PRKG2: variants seen among roughly 807,000 people sequenced by gnomAD.
PRKG2 encodes cGMP-dependent protein kinase 2.
PRKG2 carries 33 observed loss-of-function variants against 97.2 expected under a neutral mutation model. The ratio of observed to expected loss-of-function variants is 0.34; its 90% CI spans 0.26 to 0.45. The LOEUF is 0.45. Among genes scored for constraint, PRKG2 ranks in the 20% least tolerant of loss-of-function variants. The pLI is 1.00. For missense variants in PRKG2, 638 were observed against 900.0 expected, an observed-to-expected ratio of 0.71 and a Z score of 3.73; for synonymous variants, 330 against 321.8, an observed-to-expected ratio of 1.03 and a Z score of -0.27.
chr4:81,089,489 C>A lies in PRKG2; in HGVS notation c.*219G>T. The A allele has an allele frequency of 2.4e-6, 1 of 415,556 alleles. No homozygotes were observed. The highest frequency in any genetic ancestry group is 4.2e-6 in the Non-Finnish European group (1 of 236,436). The allele number at this position is 415,556 out of a possible 1,614,324, so 25.7% of individuals were successfully genotyped here. ...GGTAGCCTCTAGCAGTTGAGAAAAG[C>A]AAATAATGTAATACATCAATAATTC... On this transcript the variant is annotated 3_prime_UTR_variant, in exon 19 of 19. Transcript: ENST00000264399.
intron 2 of PRKG2, among the ~76,000 whole-genome samples, chr4:81,189,588 A>G: frequency 6.7e-6 from 1 of 149,814 alleles, no homozygotes; most frequent in East Asian, 2.0e-4. Context: ...AGGAAGGGGA[A>G]CATCACACTC....
chr4:81,131,792 G>A (rs559094953), intron 14 of PRKG2, among the ~76,000 whole-genome samples: 36 of 152,190 alleles, frequency 2.4e-4, no homozygotes, highest in Non-Finnish European at 3.8e-4. Flanking sequence ...TATTCTATTA[G>A]ACTGAGTTAT....
chr4:81,205,206 GAAAA>G, intron 1 of PRKG2, 146 bp from the exon 2 acceptor site: 1 of 478,854 alleles, frequency 2.1e-6, no homozygotes, highest in Non-Finnish European at 3.6e-6. Context: ...GAAGTTTCCA[GAAAA>G]AAAAAAAAAG....
chr4:81,104,589 A>G (rs17005054), intron 16 of PRKG2, among the ~76,000 whole-genome samples, 157 bp from the exon 17 acceptor site: 5,807 of 152,028 alleles, frequency 0.038, 391 homozygotes, highest in African/African-American at 0.13. Context: ...TAGACCAGAC[A>G]TCTGAGTTTA....
chr4:81,142,043 C>G (rs1747346663), intron 11 of PRKG2, among the ~76,000 whole-genome samples: 1 of 152,154 alleles, frequency 6.6e-6, no homozygotes, highest in Non-Finnish European at 1.5e-5. Context: ...CAAAGAAGGA[C>G]TCGGTAATTG....
intron 2 of PRKG2, among the ~76,000 whole-genome samples, chr4:81,179,958 C>A (rs1751264576): frequency 6.6e-6 from 1 of 151,866 alleles, no homozygotes; most frequent in Non-Finnish European, 1.5e-5. Context: ...GCTTGGCCAA[C>A]CCCATCTCTA....
At chr4:81,094,988 G>A (rs1169613132) in intron 17 of PRKG2, among the ~76,000 whole-genome samples, 3 of 152,148 alleles carry the variant, frequency 2.0e-5, no homozygotes, top group Non-Finnish European at 2.9e-5. Context: ...GGATGGTGAT[G>A]CGTCCCTGTG....
At chr4:81,100,720 T>A in intron 17 of PRKG2, among the ~76,000 whole-genome samples, 1 of 152,004 alleles carries the variant, frequency 6.6e-6, no homozygotes, top group East Asian at 1.9e-4. Flanking sequence ...ACAAATGAGA[T>A]CTAATTAAAC....
intron 2 of PRKG2, among the ~76,000 whole-genome samples, chr4:81,185,721 G>T (rs1489099200): frequency 1.3e-5 from 2 of 152,110 alleles, no homozygotes; most frequent in Non-Finnish European, 2.9e-5. Context: ...GCTGTGTTCA[G>T]GAGATCCATC....
At chr4:81,109,362 G>A (rs1175819666) in intron 15 of PRKG2, among the ~76,000 whole-genome samples, 1 of 152,158 alleles carries the variant, frequency 6.6e-6, no homozygotes, top group Non-Finnish European at 1.5e-5. Context: ...CATTCCAAAT[G>A]CAAATCCTCT....
At chr4:81,179,537 C>A (rs1223486746) in intron 2 of PRKG2, among the ~76,000 whole-genome samples, 1 of 152,066 alleles carries the variant, frequency 6.6e-6, no homozygotes, top group Non-Finnish European at 1.5e-5. Context: ...GAAATATGAT[C>A]TCAGATGGAA....
chr4:81,159,756 A>G (rs1457594255), intron 6 of PRKG2, among the ~76,000 whole-genome samples: 1 of 151,866 alleles, frequency 6.6e-6, no homozygotes, highest in Non-Finnish European at 1.5e-5. Context: ...TGGCACATAT[A>G]CACCATGGAA....
chr4:81,167,032 C>G (rs1387294539), intron 6 of PRKG2, 129 bp downstream of exon 6: 4 of 637,148 alleles, frequency 6.3e-6, no homozygotes, highest in Non-Finnish European at 1.0e-5. Flanking sequence ...GATTTTTCAC[C>G]ATAGAAAAAG....
At chr4:81,176,101 G>A (rs1750899604) in intron 2 of PRKG2, 2 of 152,032 alleles carry the variant, frequency 1.3e-5, no homozygotes, top group Admixed American at 1.3e-4. Context: ...TAGGCTACAT[G>A]AAGAAAACAG....
At chr4:81,167,067 C>T in intron 6 of PRKG2, 94 bp downstream of exon 6, 2 of 912,780 alleles carry the variant, frequency 2.2e-6, no homozygotes, top group South Asian at 1.7e-5. Flanking sequence ...TAGACTGGTG[C>T]TCTGACATCT....
chr4:81,176,369 C>T lies in PRKG2; in HGVS notation c.462-1410G>A, dbSNP rs186275566. ...CTAGCCGATTTTCCCTAAAATCCAACTGTATTATATCATCAGATTATTCTT... is the reference window on the plus strand; with the variant it reads ...CTAGCCGATTTTCCCTAAAATCCAATTGTATTATATCATCAGATTATTCTT... On this transcript the variant is annotated intron_variant, in intron 2 of 18. Transcript: ENST00000264399. 1.5e-3 allele frequency among the ~76,000 whole-genome samples: 222 copies of T among 152,132 alleles called. 1 individual carries two copies. The highest frequency in any genetic ancestry group is 5.0e-3 in the African/African-American group (207 of 41,530).
chr4:81,151,217 T>C (rs1417916339), intron 8 of PRKG2, among the ~76,000 whole-genome samples: 3 of 152,140 alleles, frequency 2.0e-5, no homozygotes. Context: ...AAATTTTAAC[T>C]GATTTCTTAA....
chr4:81,157,478 C>T (rs991908927), intron 6 of PRKG2, among the ~76,000 whole-genome samples: 3 of 152,174 alleles, frequency 2.0e-5, no homozygotes, highest in African/African-American at 7.2e-5. Context: ...CAGATGGATT[C>T]ACAGCCGAAT....
chr4:81,104,320 A>G (rs1743105857), intron 17 of PRKG2, 50 bp downstream of exon 17: 2 of 1,380,682 alleles, frequency 1.4e-6, no homozygotes, highest in Non-Finnish European at 2.0e-6. Context: ...CAAGTACCAC[A>G]TTGTTCTCTA....
Sources: gnomAD v4.1 joint callset for allele counts (sites outside exome capture counted in the v4.1 genomes callset) on GRCh38, gnomAD v4.1.1 for gene constraint, MANE v1.5 for transcripts, NCBI Gene and HGNC (gene_info 2026-07-23, HGNC 2026-07-21) for gene names.